MTHFS: variants seen among roughly 807,000 people sequenced by gnomAD.
The protein encoded by MTHFS is 5-formyltetrahydrofolate cyclo-ligase.
A neutral mutation model predicts 12.7 loss-of-function variants in MTHFS; 7 were observed. The ratio of observed to expected loss-of-function variants is 0.55; its 90% CI spans 0.31 to 1.03. The LOEUF (loss-of-function observed/expected upper bound fraction) is 1.03, where lower values mean the gene tolerates loss of function less well. MTHFS is among the 50% of genes least tolerant of loss of function. The pLI is 0.05. For missense variants in MTHFS, 252 were observed against 258.1 expected (o/e 0.98, Z 0.16); for synonymous variants, 100 against 97.1 (o/e 1.03, Z -0.18).
At chr15:79,893,183 T>C (rs188941364) in intron 1 of MTHFS, among the ~76,000 whole-genome samples, 1 of 151,802 alleles carries the variant, frequency 6.6e-6, no homozygotes, top group Non-Finnish European at 1.5e-5. Flanking sequence ...GGCAGGTGGA[T>C]CATGAGGTCA....
chr15:79,860,992 CTGGGCACATCCCAA>C lies in MTHFS; in HGVS notation c.380-15564_380-15551del, dbSNP rs1313352540. Among the ~76,000 whole-genome samples, 19 of 152,308 alleles carry C rather than the reference CTGGGCACATCCCAA, an allele frequency of 1.2e-4. No homozygotes were observed. The East Asian group carries it at 2.3e-3, about 19-fold the overall frequency. On this transcript the variant is annotated intron_variant, in intron 2 of 2. Transcript: ENST00000258874. ...CTCCATCTTGTGTTCCCAGAGCACT[CTGGGCACATCCCAA>C]TGGGATCCTTAGCACCAGGACTGAA...
chr15:79,855,354 ATATT>A (rs1456185224), intron 2 of MTHFS, among the ~76,000 whole-genome samples: 4 of 152,216 alleles, frequency 2.6e-5, no homozygotes, highest in Non-Finnish European at 5.9e-5. Context: ...TCTAAATATT[ATATT>A]TATTTGGCAT....
chr15:79,881,837 C>T (rs1242294044), intron 2 of MTHFS, among the ~76,000 whole-genome samples: 1 of 152,202 alleles, frequency 6.6e-6, no homozygotes, highest in African/African-American at 2.4e-5. Flanking sequence ...TGGGTGACCT[C>T]GCATTATCAT....
chr15:79,855,997 T>C (rs1189470583), intron 2 of MTHFS, among the ~76,000 whole-genome samples: 2 of 152,236 alleles, frequency 1.3e-5, no homozygotes, highest in Non-Finnish European at 2.9e-5. Context: ...TGTGTCTTTA[T>C]GGTTGAACGA....
chr15:79,885,893 T>C (rs1290724226), intron 2 of MTHFS, among the ~76,000 whole-genome samples: 1 of 152,244 alleles, frequency 6.6e-6, no homozygotes, highest in Non-Finnish European at 1.5e-5. Flanking sequence ...AGCCCTTCTG[T>C]GAACTTTTCA....
intron 2 of MTHFS, among the ~76,000 whole-genome samples, chr15:79,873,207 TG>T (rs1214321975): frequency 1.3e-5 from 2 of 152,180 alleles, no homozygotes; most frequent in African/African-American, 4.8e-5. Context: ...GGTTTAGGGC[TG>T]GGGTCTTAAC....
intron 2 of MTHFS, among the ~76,000 whole-genome samples, chr15:79,887,313 A>C (rs72734764): frequency 1.1e-4 from 17 of 152,358 alleles, no homozygotes; most frequent in Non-Finnish European, 1.9e-4. Context: ...ATATAAGTTA[A>C]AAGGAAAAAT....
intron 2 of MTHFS, among the ~76,000 whole-genome samples, chr15:79,846,624 C>A (rs2033620235): frequency 6.6e-6 from 1 of 152,236 alleles, no homozygotes; most frequent in African/African-American, 2.4e-5. Context: ...TCCAGCAAAG[C>A]ATGCCTCAGA....
In MTHFS at chr15:79,845,042, G is replaced by T; in HGVS notation, c.*168C>A. The T allele has an allele frequency of 2.2e-6, 2 of 908,502 alleles. No individual in the cohort carries two copies. The highest frequency in any genetic ancestry group is 3.2e-6 in the Non-Finnish European group (2 of 621,288). 56.3% of individuals were successfully genotyped at this position (908,502 alleles called of 1,614,324 possible). On this transcript the variant is annotated 3_prime_UTR_variant, in exon 3 of 3. Coordinates refer to ENST00000258874, the MANE Select transcript of MTHFS (RefSeq NM_006441.4). Reference sequence around the variant, plus strand: ...ATATTCTACTATTCACACTTCTATTGGTTTTTAAAGATGGTTTTATATAAG... The same window carrying T: ...ATATTCTACTATTCACACTTCTATTTGTTTTTAAAGATGGTTTTATATAAG...
At chr15:79,851,869 G>A (rs926912594) in intron 2 of MTHFS, among the ~76,000 whole-genome samples, 1 of 152,208 alleles carries the variant, frequency 6.6e-6, no homozygotes, top group South Asian at 2.1e-4. Flanking sequence ...GGTAGTACAG[G>A]AGAGGGGTTA....
At chr15:79,856,377 TA>T (rs1260334837) in intron 2 of MTHFS, among the ~76,000 whole-genome samples, 2 of 152,230 alleles carry the variant, frequency 1.3e-5, no homozygotes, top group Non-Finnish European at 1.5e-5. Context: ...TTTCTTCTTG[TA>T]AATTTAAGTT....
chr15:79,889,200 T>A lies in MTHFS; in HGVS notation c.272A>T (p.Asp91Val). The change falls in exon 2 of 3, where the codon GAT becomes GTT. Residue 91 changes from aspartate to valine, a missense_variant. Asp to Val is a radical substitution (Grantham distance 152, BLOSUM62 -3). Coordinates refer to ENST00000258874, the MANE Select transcript of MTHFS (RefSeq NM_006441.4). ...PRYRFQSNHM[D>V]MVRIESPEEI... ...CTCTGGTGATTCTATTCTCACCATA[T>A]CCATGTGATTGCTCTGGAACCGGTA... 1 of 1,614,210 alleles carries A rather than the reference T, an allele frequency of 6.2e-7. No individual in the cohort carries two copies. The highest frequency in any genetic ancestry group is 8.5e-7 in the Non-Finnish European group (1 of 1,180,034).
At chr15:79,876,329 T>G (rs1009060212) in intron 2 of MTHFS, 2 of 152,098 alleles carry the variant, frequency 1.3e-5, no homozygotes, top group Non-Finnish European at 2.9e-5. Flanking sequence ...AAAACTAAAG[T>G]AGGCCAGGCG....
chr15:79,879,618 T>C (rs959861716), intron 2 of MTHFS, among the ~76,000 whole-genome samples: 1 of 152,188 alleles, frequency 6.6e-6, no homozygotes, highest in Admixed American at 6.5e-5. Context: ...TTGTTTCTGC[T>C]AAAATGTTGA....
chr15:79,846,857 C>T (rs2033625045), intron 2 of MTHFS, among the ~76,000 whole-genome samples: 1 of 152,186 alleles, frequency 6.6e-6, no homozygotes. Context: ...TCTTCTATAC[C>T]TAGAACACAC....
chr15:79,868,478 T>C (rs2034049573), intron 2 of MTHFS, among the ~76,000 whole-genome samples: 1 of 152,252 alleles, frequency 6.6e-6, no homozygotes, highest in Admixed American at 6.5e-5. Flanking sequence ...GTTAATTTTA[T>C]GCATCAACTT....
chr15:79,881,083 T>A (rs577751389), intron 2 of MTHFS, among the ~76,000 whole-genome samples: 121 of 152,358 alleles, frequency 7.9e-4, no homozygotes, highest in Middle Eastern at 3.4e-3. Flanking sequence ...TTAAAAATTC[T>A]GCCCTTCCTC....
chr15:79,883,550 A>G (rs757030518), intron 2 of MTHFS, among the ~76,000 whole-genome samples: 2 of 152,260 alleles, frequency 1.3e-5, no homozygotes, highest in African/African-American at 4.8e-5. Context: ...TGCCAAGTAC[A>G]TAAGAATTAC....
At position 79,858,548 on chromosome 15, in the gene MTHFS, T is replaced by C. The variant is rs567670393; in HGVS notation, c.380-13106A>G. 3.3e-5 allele frequency among the ~76,000 whole-genome samples: 5 copies of C among 152,338 alleles called. No homozygotes were observed. The South Asian group carries it at 1.0e-3, about 32-fold the overall frequency. The stretch of plus-strand genomic sequence containing the variant: ...CTACAAAATGAAAAACTGACTTAGA[T>C]GATCTTCAAATCCCTTCCAATTCAG... On this transcript the variant is annotated intron_variant, in intron 2 of 2. Transcript: ENST00000258874.
Sources: allele counts gnomAD v4.1 joint callset (sites outside exome capture counted in the v4.1 genomes callset), GRCh38; gene constraint gnomAD v4.1.1; transcripts MANE v1.5; gene names NCBI Gene and HGNC (gene_info 2026-07-23, HGNC 2026-07-21).